Variants in LARGE1 observed in about 807,000 individuals in gnomAD.
The protein encoded by LARGE1 is LARGE xylosyl- and glucuronyltransferase 1, also known as xylosyl- and glucuronyltransferase LARGE1.
In LARGE1, 43 loss-of-function variants were observed where a neutral mutation model predicts 87.6. The observed-to-expected ratio is 0.49, with a 90% CI of 0.38 to 0.63. The LOEUF (loss-of-function observed/expected upper bound fraction) is 0.63. Ranked by LOEUF, LARGE1 falls within the 30% of genes least tolerant of loss-of-function variation. LARGE1 has a pLI of 0.00. For synonymous variants in LARGE1, 434 were observed against 394.6 expected (o/e 1.10, Z -1.18); for missense variants, 802 against 1,000.2 (o/e 0.80, Z 2.67).
intron 2 of LARGE1, among the ~76,000 whole-genome samples, chr22:33,741,682 A>T (rs1390582395): frequency 6.6e-6 from 1 of 152,160 alleles, no homozygotes; most frequent in East Asian, 1.9e-4. Context: ...CACAGGCAGG[A>T]TGAGGTGAGG....
At chr22:33,317,004 A>G (rs1053481782) in intron 10 of LARGE1, among the ~76,000 whole-genome samples, 11 of 152,254 alleles carry the variant, frequency 7.2e-5, no homozygotes, top group Admixed American at 7.2e-4. Context: ...ACCTGAGGTC[A>G]GGAGTTCGAG....
chr22:33,682,867 G>A (rs569924446), intron 2 of LARGE1, among the ~76,000 whole-genome samples: 27 of 152,296 alleles, frequency 1.8e-4, no homozygotes, highest in South Asian at 1.2e-3. Flanking sequence ...TCAGGCCCAA[G>A]GCCATACCAA....
At chr22:33,627,572 T>C (rs2079962342) in intron 3 of LARGE1, among the ~76,000 whole-genome samples, 1 of 152,214 alleles carries the variant, frequency 6.6e-6, no homozygotes, top group African/African-American at 2.4e-5. Flanking sequence ...AGATACCTTG[T>C]TATCCCAACC....
At chr22:33,540,762 T>G (rs1234744778) in intron 6 of LARGE1, among the ~76,000 whole-genome samples, 3 of 152,024 alleles carry the variant, frequency 2.0e-5, no homozygotes, top group African/African-American at 7.2e-5. Context: ...ATTCTTCACG[T>G]GCTCCCCAGA....
At chr22:33,829,000 C>CTTTTTTTTTTTTTTTTTTTT (rs1362969628) in intron 1 of LARGE1, among the ~76,000 whole-genome samples, 1 of 106,198 alleles carries the variant, frequency 9.4e-6, no homozygotes. Context: ...TGTGAAGTCT[C>CTTTTTTTTTTTTTTTTTTTT]TTTTTCTTTT....
At chr22:33,918,586 C>G (rs115430444) in intron 1 of LARGE1, among the ~76,000 whole-genome samples, 1 of 152,182 alleles carries the variant, frequency 6.6e-6, no homozygotes, top group African/African-American at 2.4e-5. Context: ...ATTTTTACCC[C>G]TAGGGAGGAC....
At chr22:33,789,386 A>T (rs1183392474) in intron 1 of LARGE1, among the ~76,000 whole-genome samples, 2 of 152,238 alleles carry the variant, frequency 1.3e-5, no homozygotes, top group Non-Finnish European at 2.9e-5. Context: ...ACAGGGGCAG[A>T]GCCTTCATAG....
chr22:33,870,556 G>GTGTTGTTGTTGTTGTTGA (rs1216282834), intron 1 of LARGE1, among the ~76,000 whole-genome samples: 1 of 150,326 alleles, frequency 6.7e-6, no homozygotes, highest in African/African-American at 2.5e-5. Context: ...ATGACTGTCT[G>GTGTTGTTGTTGTTGTTGA]TGTTGTTGTT....
At chr22:33,466,859 T>G (rs1259390618) in intron 6 of LARGE1, among the ~76,000 whole-genome samples, 1 of 152,038 alleles carries the variant, frequency 6.6e-6, no homozygotes, top group Non-Finnish European at 1.5e-5. Flanking sequence ...ACAAACATGT[T>G]GAAATGCAGT....
At chr22:33,095,727 G>A in the LARGE1 span, among the ~76,000 whole-genome samples, 1 of 152,294 alleles carries the variant, frequency 6.6e-6, no homozygotes, top group Non-Finnish European at 1.5e-5. Context: ...CCCCATCTAT[G>A]CTAGGTCCTG....
chr22:33,686,300 CAACCCCTGGTTCG>C (rs1051639601), intron 2 of LARGE1, among the ~76,000 whole-genome samples: 76 of 152,046 alleles, frequency 5.0e-4, no homozygotes, highest in African/African-American at 1.8e-3. Flanking sequence ...AATCCACTAA[CAACCCCTGGTTCG>C]AACCCCTGTT....
the LARGE1 span, among the ~76,000 whole-genome samples, chr22:33,074,173 C>T: frequency 6.6e-6 from 1 of 152,110 alleles, no homozygotes; most frequent in Non-Finnish European, 1.5e-5. Context: ...TTTGTGTCCC[C>T]CTCCTCACTC....
chr22:33,243,571 C>T (rs984837894), intron 11 of LARGE1, among the ~76,000 whole-genome samples: 1 of 152,166 alleles, frequency 6.6e-6, no homozygotes, highest in Non-Finnish European at 1.5e-5. Flanking sequence ...TTATGTGTAT[C>T]AGTAATTTTT....
At chr22:33,919,586 T>C (rs916631622) in intron 1 of LARGE1, among the ~76,000 whole-genome samples, 2 of 152,342 alleles carry the variant, frequency 1.3e-5, no homozygotes, top group Admixed American at 6.5e-5. Flanking sequence ...GAAAAGTTAT[T>C]CACAGCATCA....
intron 10 of LARGE1, among the ~76,000 whole-genome samples, chr22:33,332,263 G>C (rs1937818187): frequency 6.6e-6 from 1 of 152,130 alleles, no homozygotes; most frequent in Non-Finnish European, 1.5e-5. Flanking sequence ...TCATGATAGT[G>C]AATAAGTCTC....
At chr22:33,176,880 C>G (rs1322188805) in intron 11 of LARGE1, among the ~76,000 whole-genome samples, 1 of 152,098 alleles carries the variant, frequency 6.6e-6, no homozygotes, top group East Asian at 1.9e-4. Flanking sequence ...TGGCACTGTT[C>G]ACAATAGCAA....
At chr22:33,267,606 T>C (rs1170861313), downstream of LARGE1, among the ~76,000 whole-genome samples, 2 of 151,262 alleles carry the variant, frequency 1.3e-5, no homozygotes, top group African/African-American at 4.9e-5. Flanking sequence ...GATCAGCCGA[T>C]TGTGACCCAG....
intron 1 of LARGE1, among the ~76,000 whole-genome samples, chr22:33,832,775 G>T (rs1329462178): frequency 6.6e-6 from 1 of 152,214 alleles, no homozygotes; most frequent in Non-Finnish European, 1.5e-5. Flanking sequence ...ACTGACTCTG[G>T]CACATGCTGT....
chr22:33,113,205 CTTTTTT>C, the LARGE1 span, among the ~76,000 whole-genome samples: 1 of 127,412 alleles, frequency 7.8e-6, no homozygotes. Flanking sequence ...ACTTAATTAT[CTTTTTT>C]TTTTTTTTTT....
Sources: allele counts gnomAD v4.1 joint callset (sites outside exome capture counted in the v4.1 genomes callset), GRCh38; gene constraint gnomAD v4.1.1; transcripts MANE v1.5; gene names NCBI Gene and HGNC (gene_info 2026-07-23, HGNC 2026-07-21).